DACH2: variants seen among roughly 807,000 people sequenced by gnomAD.
The protein encoded by DACH2 is dachshund homolog 2.
Under a neutral mutation model 35.8 loss-of-function variants are expected in DACH2, and 17 were observed. The ratio of observed to expected loss-of-function variants is 0.48; its 90% CI spans 0.33 to 0.71. The LOEUF (loss-of-function observed/expected upper bound fraction) is 0.71, where lower values mean the gene tolerates loss of function less well. DACH2 is among the 30% of genes least tolerant of loss of function. The probability of loss-of-function intolerance (pLI) is 0.02; values close to 1 mark genes in which losing one functional copy is unlikely to be tolerated. For synonymous variants in DACH2, 195 were observed against 177.3 expected, an observed-to-expected ratio of 1.10 and a Z score of -0.79; for missense variants, 469 against 472.7, an observed-to-expected ratio of 0.99 and a Z score of 0.07.
intron 1 of DACH2, among the ~76,000 whole-genome samples, chrX:86,311,947 G>A (rs1243233613): frequency 9.0e-6 from 1 of 111,265 alleles, no homozygotes; most frequent in Non-Finnish European, 1.9e-5. Context: ...AGGTCAATGG[G>A]AAACTATGAC....
intron 1 of DACH2, among the ~76,000 whole-genome samples, chrX:86,350,037 G>A (rs189389155): frequency 1.2e-3 from 131 of 111,124 alleles, no homozygotes; most frequent in African/African-American, 4.0e-3. Context: ...GCCTGATGGC[G>A]CATGCCTGTA....
intron 1 of DACH2, among the ~76,000 whole-genome samples, chrX:86,268,601 C>T (rs2033756638): frequency 9.3e-6 from 1 of 107,492 alleles, no homozygotes. Context: ...GTGGTGAGAT[C>T]TCAGCTCACG....
In DACH2 at chrX:86,148,634, C is replaced by T. The variant is rs766034169; in HGVS notation, c.14C>T (p.Ala5Val). The change falls in exon 1 of 12, where the codon GCA (alanine) becomes GTA (valine). Residue 5 changes from alanine (A) to valine (V), a missense_variant. By Grantham distance (64) the Ala-to-Val change is moderately conservative. This residue lies in a region of DACH2 where 99 missense variants were observed against 114.3 expected (regional missense o/e 0.87). Coordinates refer to ENST00000373125, the MANE Select transcript of DACH2 (RefSeq NM_053281.3). Reference protein sequence around the residue: MAVSASPVISATSSG... With the variant: MAVSVSPVISATSSG... ...GACAGAGTGACCATGGCTGTCTCCGCATCTCCAGTGATCTCTGCAACTTCC... is the reference window on the plus strand; with the variant it reads ...GACAGAGTGACCATGGCTGTCTCCGTATCTCCAGTGATCTCTGCAACTTCC... 1.7e-5 allele frequency: 20 copies of T among 1,169,558 alleles called. No individual in the cohort carries two copies. The African/African-American group carries it at 2.7e-4, about 16-fold the overall frequency.
intron 7 of DACH2, among the ~76,000 whole-genome samples, chrX:86,741,084 C>G (rs1186987395): frequency 9.0e-6 from 1 of 111,546 alleles, no homozygotes; most frequent in East Asian, 2.8e-4. Context: ...TTCCTTTACT[C>G]TTACAAGGGG....
At chrX:86,725,995 G>A (rs1266887702) in intron 6 of DACH2, among the ~76,000 whole-genome samples, 1 of 111,229 alleles carries the variant, frequency 9.0e-6, no homozygotes, top group African/African-American at 3.3e-5. Flanking sequence ...ATGGGTCTAG[G>A]CAAGCAGACT....
intron 7 of DACH2, among the ~76,000 whole-genome samples, chrX:86,741,239 T>C (rs2041652453): frequency 9.0e-6 from 1 of 111,615 alleles, no homozygotes; most frequent in Admixed American, 9.6e-5. Flanking sequence ...AGACTATCTC[T>C]TGGGGAAATT....
At chrX:86,685,029 C>G (rs927234982) in intron 4 of DACH2, among the ~76,000 whole-genome samples, 2 of 111,779 alleles carry the variant, frequency 1.8e-5, no homozygotes, top group African/African-American at 3.2e-5. Flanking sequence ...ATTAATACAT[C>G]AAAACTGATG....
intron 1 of DACH2, among the ~76,000 whole-genome samples, chrX:86,294,695 T>G (rs182367445): frequency 0.017 from 1,903 of 110,120 alleles, 24 homozygotes; most frequent in African/African-American, 0.024. Flanking sequence ...AGGTGTCAGT[T>G]TGCCCCTGCT....
rs182789411 is a variant in DACH2 at position 86,571,135 on chromosome X, T to C, written c.640+56744T>C. Reference sequence around the variant, plus strand: ...ATTTTTTGTCTTATGAGGTAAACTTTGAGGTTTTATTTTCTACATGAATAT... The same window carrying C: ...ATTTTTTGTCTTATGAGGTAAACTTCGAGGTTTTATTTTCTACATGAATAT... On this transcript the variant is annotated intron_variant, in intron 3 of 11. Coordinates refer to ENST00000373125, the MANE Select transcript of DACH2 (RefSeq NM_053281.3). 3.6e-5 allele frequency among the ~76,000 whole-genome samples: 4 copies of C among 110,826 alleles called. No individual in the cohort carries two copies. The East Asian group carries it at 8.6e-4, about 24-fold the overall frequency.
At chrX:86,503,743 A>G (rs2038283884) in intron 2 of DACH2, among the ~76,000 whole-genome samples, 1 of 112,014 alleles carries the variant, frequency 8.9e-6, no homozygotes, top group African/African-American at 3.2e-5. Context: ...TGTTATAAGT[A>G]TGGGGGGAAA....
At chrX:86,522,938 A>T (rs1293917132) in intron 3 of DACH2, among the ~76,000 whole-genome samples, 1 of 111,760 alleles carries the variant, frequency 8.9e-6, no homozygotes, top group East Asian at 2.8e-4. Flanking sequence ...TTCCCAAAAG[A>T]TGATGGCTTC....
At chrX:86,793,430 C>T (rs940317278) in intron 7 of DACH2, among the ~76,000 whole-genome samples, 1 of 111,199 alleles carries the variant, frequency 9.0e-6, no homozygotes, top group African/African-American at 3.3e-5. Flanking sequence ...AGAGAATACA[C>T]TCTTTGGGAT....
chrX:86,244,652 C>T (rs1415546420), intron 1 of DACH2, among the ~76,000 whole-genome samples: 2 of 111,880 alleles, frequency 1.8e-5, no homozygotes, highest in Non-Finnish European at 1.9e-5. Context: ...GAACCTGTTG[C>T]TGTCTGTGTG....
At chrX:86,325,137 TG>T (rs1398737351) in intron 1 of DACH2, among the ~76,000 whole-genome samples, 2 of 111,837 alleles carry the variant, frequency 1.8e-5, no homozygotes, top group Non-Finnish European at 3.8e-5. Context: ...TTTACTTTTT[TG>T]TGGTGGCCTG....
intron 2 of DACH2, among the ~76,000 whole-genome samples, chrX:86,444,048 T>C (rs1294575708): frequency 9.0e-6 from 1 of 111,565 alleles, no homozygotes; most frequent in Non-Finnish European, 1.9e-5. Context: ...TTTACGTTTT[T>C]GGAATAATTT....
chrX:86,566,173 AT>A (rs1205723345), intron 3 of DACH2, among the ~76,000 whole-genome samples: 6 of 112,102 alleles, frequency 5.4e-5, no homozygotes, highest in Non-Finnish European at 9.4e-5. Context: ...ATCATTAAAA[AT>A]AATAGACTTT....
At chrX:86,320,273 A>G in intron 1 of DACH2, among the ~76,000 whole-genome samples, 1 of 112,648 alleles carries the variant, frequency 8.9e-6, no homozygotes, top group East Asian at 2.8e-4. Flanking sequence ...CCTTTAAAAT[A>G]TACCCATAGC....
chrX:86,763,443 T>G (rs1407476482), intron 7 of DACH2, among the ~76,000 whole-genome samples: 1 of 112,164 alleles, frequency 8.9e-6, no homozygotes, highest in Non-Finnish European at 1.9e-5. Context: ...AAATTTAAGA[T>G]GACGTTTACT....
chrX:86,407,952 A>G (rs1479439338), intron 2 of DACH2, among the ~76,000 whole-genome samples: 1 of 111,091 alleles, frequency 9.0e-6, no homozygotes, highest in Non-Finnish European at 1.9e-5. Context: ...TTTTTTTTTC[A>G]GATGAGGAAA....
Sources: gnomAD v4.1 joint callset for allele counts (sites outside exome capture counted in the v4.1 genomes callset) on GRCh38, gnomAD v4.1.1 for gene constraint, gnomAD v4.1.1 regional missense constraint, MANE v1.5 for transcripts, NCBI Gene and HGNC (gene_info 2026-07-23, HGNC 2026-07-21) for gene names.